Variants in ALPK2 observed in about 807,000 individuals in gnomAD.
ALPK2 encodes alpha kinase 2.
A neutral mutation model predicts 163.1 loss-of-function variants in ALPK2; 127 were observed. That is an observed-to-expected ratio of 0.78 (90% CI 0.67 to 0.90). The LOEUF is 0.90. Among genes scored for constraint, ALPK2 ranks in the 40% least tolerant of loss-of-function variants. ALPK2 has a pLI of 0.00. For missense variants in ALPK2, 2,360 were observed against 2,589.6 expected, an observed-to-expected ratio of 0.91 and a Z score of 1.92; for synonymous variants, 953 against 959.1, an observed-to-expected ratio of 0.99 and a Z score of 0.12.
chr18:58,616,234 C>T (rs1020029531), intron 1 of ALPK2, among the ~76,000 whole-genome samples: 1 of 152,028 alleles, frequency 6.6e-6, no homozygotes, highest in Non-Finnish European at 1.5e-5. Context: ...TATTGGTTTC[C>T]ATCCACAGTT....
intron 11 of ALPK2, among the ~76,000 whole-genome samples, chr18:58,502,871 C>T (rs759503678): frequency 6.6e-5 from 10 of 152,370 alleles, no homozygotes; most frequent in South Asian, 2.1e-4. Context: ...CCAGAGCAGC[C>T]GCCAGCTGGT....
At chr18:58,507,989 A>G (rs1039056691) in intron 10 of ALPK2, among the ~76,000 whole-genome samples, 1 of 152,158 alleles carries the variant, frequency 6.6e-6, no homozygotes, top group Non-Finnish European at 1.5e-5. Context: ...CATAGATAAC[A>G]TTACTAGTGT....
At chr18:58,511,314 C>T (rs1201463748) in intron 10 of ALPK2, among the ~76,000 whole-genome samples, 1 of 152,104 alleles carries the variant, frequency 6.6e-6, no homozygotes, top group African/African-American at 2.4e-5. Flanking sequence ...ATTTTTGCAT[C>T]GATGTTCATA....
At chr18:58,556,007 A>G (rs528055196) in intron 4 of ALPK2, among the ~76,000 whole-genome samples, 16 of 152,258 alleles carry the variant, frequency 1.1e-4, no homozygotes, top group Admixed American at 7.2e-4. Flanking sequence ...TTTTTAGTAG[A>G]GACGAGGTTT....
chr18:58,510,544 A>C (rs558054775), intron 10 of ALPK2, among the ~76,000 whole-genome samples: 2 of 152,184 alleles, frequency 1.3e-5, no homozygotes, highest in African/African-American at 4.8e-5. Context: ...ATTTGTTTGT[A>C]TCCTCTTTGA....
chr18:58,491,519 G>A (rs1372813675), intron 12 of ALPK2, among the ~76,000 whole-genome samples: 3 of 152,106 alleles, frequency 2.0e-5, no homozygotes, highest in African/African-American at 7.2e-5. Flanking sequence ...GCGCCTCCCA[G>A]ATCAATAAAC....
At chr18:58,484,315 A>C (rs1275255823) in intron 12 of ALPK2, among the ~76,000 whole-genome samples, 2 of 152,168 alleles carry the variant, frequency 1.3e-5, no homozygotes, top group African/African-American at 4.8e-5. Context: ...GCTTGAGGCT[A>C]CGGATTCAAC....
chr18:58,594,582 C>A (rs2052031940), intron 3 of ALPK2, among the ~76,000 whole-genome samples: 2 of 152,186 alleles, frequency 1.3e-5, no homozygotes, highest in Admixed American at 6.5e-5. Flanking sequence ...CTCAGCAGCA[C>A]AAATGTCCCT....
chr18:58,565,318 A>T (rs1261004637), intron 4 of ALPK2, among the ~76,000 whole-genome samples: 1 of 151,496 alleles, frequency 6.6e-6, no homozygotes, highest in Non-Finnish European at 1.5e-5. Flanking sequence ...CAGTTTTAAG[A>T]GATTTTAAGA....
intron 4 of ALPK2, among the ~76,000 whole-genome samples, chr18:58,538,895 A>C (rs1325075862): frequency 1.1e-3 from 151 of 136,968 alleles, no homozygotes; most frequent in Non-Finnish European, 1.4e-3. Flanking sequence ...CACCATCCCC[A>C]CCCCCACCCT....
intron 12 of ALPK2, among the ~76,000 whole-genome samples, chr18:58,488,467 G>C (rs1274336729): frequency 7.4e-6 from 1 of 136,034 alleles, no homozygotes; most frequent in Non-Finnish European, 1.6e-5. Context: ...CAACCGTGCT[G>C]GACAATGTAT....
At chr18:58,483,713 G>A (rs2051323690) in intron 12 of ALPK2, among the ~76,000 whole-genome samples, 1 of 142,834 alleles carries the variant, frequency 7.0e-6, no homozygotes, top group African/African-American at 2.6e-5. Flanking sequence ...ACCACACCCG[G>A]CTAATTTTTT....
chr18:58,607,229 A>G, intron 3 of ALPK2, 93 bp downstream of exon 3: 6 of 829,806 alleles, frequency 7.2e-6, no homozygotes, highest in Non-Finnish European at 9.0e-6. Context: ...AGAAGCAAAT[A>G]TGAGCCAATC....
rs964725094 is a variant in ALPK2 at position 58,625,958 on chromosome 18, T to C, written c.-21+2806A>G. ...CTTGAAACATGTTTAAATGTTTTAT[T>C]TGATGTAGGTCAGGTGTTTATTCTT... On this transcript the variant is annotated intron_variant, in intron 1 of 12. Transcript: ENST00000361673. Among the ~76,000 whole-genome samples, 3 of 152,388 alleles carry C rather than the reference T, an allele frequency of 2.0e-5. No homozygotes were observed. In the East Asian group the frequency reaches 5.8e-4, roughly 29 times the overall value.
chr18:58,538,976 G>A (rs1205584662), intron 4 of ALPK2, among the ~76,000 whole-genome samples: 1 of 151,776 alleles, frequency 6.6e-6, no homozygotes, highest in Non-Finnish European at 1.5e-5. Context: ...GTTGGAAGCA[G>A]ACTGAGGCCC....
chr18:58,514,952 C>G, intron 10 of ALPK2, 41 bp downstream of exon 10: 1 of 1,511,388 alleles, frequency 6.6e-7, no homozygotes, highest in Non-Finnish European at 9.1e-7. Flanking sequence ...TAGTCCCCAA[C>G]GAGTCAGGAG....
chr18:58,520,428 CAAAAAAAAAAAAAA>C (rs61028795), intron 8 of ALPK2, among the ~76,000 whole-genome samples: 7 of 64,386 alleles, frequency 1.1e-4, no homozygotes, highest in African/African-American at 4.9e-4. Context: ...GACTCCGTCT[CAAAAAAAAAAAAAA>C]AAAAAAAAAA....
intron 3 of ALPK2, among the ~76,000 whole-genome samples, chr18:58,582,045 T>C (rs1195170687): frequency 6.6e-6 from 1 of 152,204 alleles, no homozygotes; most frequent in East Asian, 1.9e-4. Flanking sequence ...ATTTCAATAA[T>C]GTCTTGTTGA....
At position 58,535,015 on chromosome 18, in the gene ALPK2, A is replaced by G; in HGVS notation, c.5172T>C (p.Ala1724=). ...KPEAPGSGHL[A]EGVKKKILSR... ...ACAAAATTTTCTTCTTTACTCCCTC[A>G]GCTAAATGTCCACTGCCTGGGGCTT... Residue 1724 remains alanine, a synonymous_variant, in exon 5 of 13, where the codon GCT becomes GCC. Coordinates refer to ENST00000361673, the MANE Select transcript of ALPK2 (RefSeq NM_052947.4). 3.7e-6 allele frequency: 6 copies of G among 1,613,994 alleles called. No homozygotes were observed. The highest frequency in any genetic ancestry group is 1.1e-5 in the South Asian group (1 of 91,064).
Sources: allele counts gnomAD v4.1 joint callset (sites outside exome capture counted in the v4.1 genomes callset), GRCh38; gene constraint gnomAD v4.1.1; transcripts MANE v1.5; gene names NCBI Gene and HGNC (gene_info 2026-07-23, HGNC 2026-07-21).